RABGAP1L: variants seen among roughly 807,000 people sequenced by gnomAD.
RABGAP1L encodes the protein rab GTPase-activating protein 1-like.
In RABGAP1L, 63 loss-of-function variants were observed where a neutral mutation model predicts 137.7. The ratio of observed to expected loss-of-function variants is 0.46; its 90% CI spans 0.37 to 0.56. The LOEUF (loss-of-function observed/expected upper bound fraction) is 0.56. Among genes scored for constraint, RABGAP1L ranks in the 20% least tolerant of loss-of-function variants. The pLI is 0.00. For synonymous variants in RABGAP1L, 431 were observed against 433.7 expected (o/e 0.99, Z 0.08); for missense variants, 1,095 against 1,244.0 (o/e 0.88, Z 1.80).
chr1:174,969,035 A>G lies in RABGAP1L; in HGVS notation c.2434-242A>G, dbSNP rs190047473. Reference sequence around the variant, plus strand: ...GTTTGTTCTTTGTGGCACATTTTTTATAATGAAGTTCCATCTTGAGAGTTT... The same window carrying G: ...GTTTGTTCTTTGTGGCACATTTTTTGTAATGAAGTTCCATCTTGAGAGTTT... On this transcript the variant is annotated intron_variant, in intron 20 of 25. Coordinates refer to ENST00000681986, the MANE Select transcript of RABGAP1L (RefSeq NM_001366446.1). Among the ~76,000 whole-genome samples, 14 of 152,312 alleles carry G rather than the reference A, an allele frequency of 9.2e-5. No individual in the cohort carries two copies. The East Asian group carries it at 2.5e-3, about 27-fold the overall frequency.
At position 174,699,569 on chromosome 1, in the gene RABGAP1L, C is replaced by T. The variant is rs764187739; in HGVS notation, c.1944C>T (p.Tyr648=). ...QAFCVLVKIM[Y]DYGLRDLYRN... The stretch of plus-strand genomic sequence containing the variant: ...TCTGTGTTTTGGTGAAAATCATGTA[C>T]GACTATGGTTTGAGAGACCTCTACA... The change falls in exon 16 of 26, where the codon TAC becomes TAT. Residue 648 remains tyrosine (Y), a synonymous_variant. Coordinates refer to ENST00000681986, the MANE Select transcript of RABGAP1L (RefSeq NM_001366446.1). 22 of 1,611,508 alleles carry T rather than the reference C, an allele frequency of 1.4e-5. No homozygotes were observed. The highest frequency in any genetic ancestry group is 1.0e-4 in the Admixed American group (6 of 59,956).
intron 17 of RABGAP1L, among the ~76,000 whole-genome samples, chr1:174,749,175 CAAA>C (rs199615357): frequency 4.2e-5 from 5 of 118,854 alleles, no homozygotes; most frequent in African/African-American, 8.3e-5. Context: ...GACTCTGTCT[CAAA>C]AAAAAAAAAA....
chr1:174,217,470 A>G (rs1180512728), intron 1 of RABGAP1L, among the ~76,000 whole-genome samples: 1 of 152,168 alleles, frequency 6.6e-6, no homozygotes, highest in Non-Finnish European at 1.5e-5. Context: ...GGGAATTTCT[A>G]ACATTTAGAA....
chr1:174,836,088 C>A (rs896532046), intron 19 of RABGAP1L, among the ~76,000 whole-genome samples: 1 of 152,226 alleles, frequency 6.6e-6, no homozygotes. Context: ...AATTCAACTG[C>A]TTCAGCAGCT....
chr1:174,905,854 A>C (rs1293887219), intron 19 of RABGAP1L, among the ~76,000 whole-genome samples: 2 of 152,090 alleles, frequency 1.3e-5, no homozygotes, highest in East Asian at 1.9e-4. Flanking sequence ...CTGTCTAAAA[A>C]AAGAAAAAGA....
At chr1:174,858,223 C>T (rs1649641872) in intron 19 of RABGAP1L, among the ~76,000 whole-genome samples, 2 of 152,020 alleles carry the variant, frequency 1.3e-5, no homozygotes, top group African/African-American at 2.4e-5. Context: ...CACTACGTTA[C>T]TTATACTGGT....
At chr1:174,842,914 A>G (rs1047260783) in intron 19 of RABGAP1L, among the ~76,000 whole-genome samples, 14 of 152,106 alleles carry the variant, frequency 9.2e-5, no homozygotes, top group African/African-American at 3.1e-4. Context: ...GAGAAATGTT[A>G]CTTTTTCGAA....
intron 15 of RABGAP1L, among the ~76,000 whole-genome samples, chr1:174,689,481 T>C (rs1030330805): frequency 1.3e-5 from 2 of 152,172 alleles, no homozygotes; most frequent in African/African-American, 4.8e-5. Flanking sequence ...GCAGAGTTCA[T>C]ATTTTGTCAT....
chr1:174,171,365 A>G (rs1299081714), intron 1 of RABGAP1L, among the ~76,000 whole-genome samples: 2 of 152,202 alleles, frequency 1.3e-5, no homozygotes, highest in Non-Finnish European at 1.5e-5. Flanking sequence ...TATACAAAAC[A>G]TATACAGATA....
At chr1:174,804,489 A>G (rs1366913634) in intron 18 of RABGAP1L, among the ~76,000 whole-genome samples, 1 of 151,900 alleles carries the variant, frequency 6.6e-6, no homozygotes, top group Non-Finnish European at 1.5e-5. Context: ...ACAAAACTGG[A>G]AAGGCTGTTC....
intron 19 of RABGAP1L, among the ~76,000 whole-genome samples, chr1:174,905,859 AAAAG>A: frequency 6.6e-6 from 1 of 152,258 alleles, no homozygotes; most frequent in East Asian, 1.9e-4. Context: ...TAAAAAAAGA[AAAAG>A]AAAAAGAAAA....
chr1:174,349,711 G>A (rs1682890121), intron 11 of RABGAP1L, among the ~76,000 whole-genome samples: 1 of 134,790 alleles, frequency 7.4e-6, no homozygotes, highest in Admixed American at 7.2e-5. Flanking sequence ...CTCCCGGACA[G>A]GGCGGCTGGC....
chr1:174,276,002 C>T, intron 9 of RABGAP1L, 67 bp downstream of exon 9: 1 of 1,330,728 alleles, frequency 7.5e-7, no homozygotes, highest in Non-Finnish European at 1.0e-6. Context: ...TGTTGCTTGT[C>T]ATGTTTTAAA....
intron 13 of RABGAP1L, among the ~76,000 whole-genome samples, chr1:174,398,804 C>T (rs1648196217): frequency 6.6e-6 from 1 of 152,106 alleles, no homozygotes; most frequent in African/African-American, 2.4e-5. Context: ...TAGAAAACTA[C>T]CTTTCTGTTC....
chr1:174,724,889 G>A (rs902323419), intron 17 of RABGAP1L, among the ~76,000 whole-genome samples: 1 of 152,128 alleles, frequency 6.6e-6, no homozygotes, highest in Non-Finnish European at 1.5e-5. Context: ...TCTAAGAGAC[G>A]AGTAGGAGAA....
chr1:174,196,123 T>C (rs1385232271), intron 1 of RABGAP1L, among the ~76,000 whole-genome samples: 1 of 151,724 alleles, frequency 6.6e-6, no homozygotes, highest in Non-Finnish European at 1.5e-5. Context: ...TGGGCTGTAG[T>C]TCTTTTTATT....
At position 174,651,368 on chromosome 1, in the gene RABGAP1L, C is replaced by G. The variant is rs183348654; in HGVS notation, c.1824+13880C>G. ...TATTAGGTCTGCTTGGTGCAGAGCT[C>G]AGTTCAATTCCCAGGTATCCTTGTT... On this transcript the variant is annotated intron_variant, in intron 14 of 25. Transcript: ENST00000681986. Among the ~76,000 whole-genome samples, 298 of 152,240 alleles carry G rather than the reference C, an allele frequency of 2.0e-3. 3 individuals are homozygous for G. The highest frequency in any genetic ancestry group is 6.9e-3 in the African/African-American group (286 of 41,556).
intron 19 of RABGAP1L, among the ~76,000 whole-genome samples, chr1:174,881,117 G>GA (rs1288758540): frequency 1.3e-5 from 2 of 151,818 alleles, no homozygotes; most frequent in African/African-American, 4.8e-5. Context: ...CTGGGAGGGA[G>GA]AAAAAAATGA....
chr1:174,449,159 C>A, intron 13 of RABGAP1L: 1 of 1,608,400 alleles, frequency 6.2e-7, no homozygotes, highest in Non-Finnish European at 8.5e-7. Context: ...AGCACAAGAA[C>A]CCAAACCTAG....
Sources: gnomAD v4.1 joint callset for allele counts (sites outside exome capture counted in the v4.1 genomes callset) on GRCh38, gnomAD v4.1.1 for gene constraint, MANE v1.5 for transcripts, NCBI Gene and HGNC (gene_info 2026-07-23, HGNC 2026-07-21) for gene names.